The following PFKL variants were observed in gnomAD, a reference collection of about 807,000 sequenced individuals.
The protein encoded by PFKL is phosphofructokinase, liver type, also known as ATP-dependent 6-phosphofructokinase, liver type.
PFKL carries 74 observed loss-of-function variants against 92.1 expected under a neutral mutation model. The ratio of observed to expected loss-of-function variants is 0.80; its 90% CI spans 0.67 to 0.97. PFKL has a LOEUF of 0.97. PFKL is among the 50% of genes least tolerant of loss of function. The pLI is 0.00. For missense variants in PFKL, 1,028 were observed against 1,116.6 expected (o/e 0.92, Z 1.13); for synonymous variants, 494 against 456.4 (o/e 1.08, Z -1.05).
intron 10 of PFKL, 41 bp from the exon 11 acceptor site, chr21:44,319,310 C>A: frequency 1.3e-6 from 2 of 1,560,364 alleles, no homozygotes; most frequent in Non-Finnish European, 1.8e-6. Context: ...GGTGTGCGGG[C>A]CAGGCTCTCC....
chr21:44,326,344 C>G, intron 21 of PFKL, 80 bp downstream of exon 21: 1 of 1,043,834 alleles, frequency 9.6e-7, no homozygotes, highest in Non-Finnish European at 1.4e-6. Flanking sequence ...TGTGCCAGGC[C>G]CAGCCCCACT....
intron 16 of PFKL, 59 bp from the exon 17 acceptor site, chr21:44,324,432 G>A (rs966692684): frequency 1.2e-5 from 19 of 1,577,326 alleles, no homozygotes; most frequent in Middle Eastern, 1.7e-4. Flanking sequence ...TAGCCATGCC[G>A]ACGGCCTACA....
rs991895839 is a variant in PFKL at position 44,326,924 on chromosome 21, G to A, written c.*62G>A. 17 of 1,460,268 alleles carry A rather than the reference G, an allele frequency of 1.2e-5. No homozygotes were observed. The highest frequency in any genetic ancestry group is 2.2e-4 in the Middle Eastern group (1 of 4,572). The allele number at this position is 1,460,268 out of a possible 1,614,324, so 90.5% of individuals were successfully genotyped here. ...CATGCCAGCGCAGCGCCAGGGCTCA[G>A]ATGGGGCCTGGGCTGTTGTGTCTGG... is the stretch of plus-strand genomic sequence containing the variant. On this transcript the variant is annotated 3_prime_UTR_variant, in exon 22 of 22. Transcript: ENST00000349048.
At chr21:44,325,457 C>A in intron 19 of PFKL, 193 bp downstream of exon 19, 1 of 591,216 alleles carries the variant, frequency 1.7e-6, no homozygotes, top group Non-Finnish European at 3.0e-6. Context: ...AGGGGTGGGG[C>A]TGGGGCTGGA....
chr21:44,312,319 A>G, intron 4 of PFKL, 25 bp downstream of exon 4: 1 of 1,554,884 alleles, frequency 6.4e-7, no homozygotes. Flanking sequence ...GGCGCACTGT[A>G]GGCCCTGGGG....
Position 44,313,132 on chromosome 21 carries a change from C to T in PFKL, c.582C>T (p.Thr194=). 3.7e-6 allele frequency: 6 copies of T among 1,612,746 alleles called. No homozygotes were observed. Among genetic ancestry groups the T allele is most frequent in the Non-Finnish European group, 4.2e-6 (5 of 1,179,826 alleles). The part of the protein sequence containing the change: ...RIMEVIDAIT[T]TAQSHQRTFV... ...TGGAGGTCATCGATGCCATCACCAC[C>T]ACTGCCCAGAGGTGAGTGAGGCTGG... Residue 194 remains threonine (T), a synonymous_variant, in exon 5 of 22, where the codon ACC becomes ACT. Coordinates refer to ENST00000349048, the MANE Select transcript of PFKL (RefSeq NM_002626.6).
intron 2 of PFKL, among the ~76,000 whole-genome samples, chr21:44,307,097 C>T (rs1172373707): frequency 6.6e-6 from 1 of 152,092 alleles, no homozygotes; most frequent in African/African-American, 2.4e-5. Context: ...GCCTGGTGTC[C>T]CCCAGCCTGG....
chr21:44,319,520 T>A, intron 11 of PFKL, 105 bp downstream of exon 11: 1 of 962,886 alleles, frequency 1.0e-6, no homozygotes, highest in Non-Finnish European at 1.7e-6. Flanking sequence ...GTCATCCTTC[T>A]AGGCACCGCG....
chr21:44,307,092 G>A (rs932625723), intron 2 of PFKL, among the ~76,000 whole-genome samples: 5 of 152,082 alleles, frequency 3.3e-5, no homozygotes, highest in African/African-American at 1.2e-4. Context: ...CCCCTGCCTG[G>A]TGTCCCCCAG....
chr21:44,305,459 G>GGC, intron 1 of PFKL: 1 of 915,064 alleles, frequency 1.1e-6, no homozygotes, highest in Non-Finnish European at 1.6e-6. Context: ...GGGTGGGAGG[G>GGC]CAGGGGCTTT....
intron 8 of PFKL, 40 bp downstream of exon 8, chr21:44,316,379 C>G: frequency 6.2e-7 from 1 of 1,611,434 alleles, no homozygotes; most frequent in South Asian, 1.1e-5. Flanking sequence ...GCACCTGCTC[C>G]TCTAGGCCGT....
chr21:44,324,352 C>T, intron 16 of PFKL, 139 bp from the exon 17 acceptor site: 1 of 857,070 alleles, frequency 1.2e-6, no homozygotes, highest in South Asian at 1.7e-5. Context: ...TGGGCCCAAG[C>T]CTGGTGCTGC....
intron 14 of PFKL, among the ~76,000 whole-genome samples, chr21:44,322,643 G>T (rs948418748): frequency 3.9e-5 from 6 of 152,212 alleles, no homozygotes; most frequent in African/African-American, 7.2e-5. Context: ...GCAAGGGCCA[G>T]AGGAAGCATC....
At chr21:44,325,007 G>A in intron 18 of PFKL, 90 bp downstream of exon 18, 2 of 1,324,392 alleles carry the variant, frequency 1.5e-6, no homozygotes, top group Non-Finnish European at 2.1e-6. Flanking sequence ...GCAGGAGAAG[G>A]CAGGAGGGGT....
chr21:44,317,404 G>A lies in PFKL; in HGVS notation c.936+880G>A, dbSNP rs370424024. 2.3e-4 allele frequency among the ~76,000 whole-genome samples: 35 copies of A among 152,198 alleles called. No individual in the cohort carries two copies. The East Asian group carries it at 2.9e-3, about 13-fold the overall frequency. On this transcript the variant is annotated intron_variant, in intron 9 of 21. Coordinates refer to ENST00000349048, the MANE Select transcript of PFKL (RefSeq NM_002626.6). The stretch of plus-strand genomic sequence containing the variant: ...GAGAGGGGCCCCGCCGACCTAGCCA[G>A]GCAGCTGCTGTCCCCTCTGTGAGGC...
At position 44,323,652 on chromosome 21, in the gene PFKL, G is replaced by A. The variant is rs142587214; in HGVS notation, c.1498-114G>A. 1.9e-4 allele frequency: 221 copies of A among 1,163,250 alleles called. 1 individual carries two copies. The African/African-American group carries it at 2.9e-3, about 15-fold the overall frequency. The allele number at this position is 1,163,250 out of a possible 1,614,324, so 72.1% of individuals were successfully genotyped here. On this transcript the variant is annotated intron_variant, in intron 15 of 21. Coordinates refer to ENST00000349048, the MANE Select transcript of PFKL (RefSeq NM_002626.6). ...GCAGGTGGGTCCTGGCGTCCAGCAC[G>A]GGGCACATGACAGGTCAGCAGGGAG...
rs1328042350 is a variant in PFKL at position 44,312,172 on chromosome 21, C to T, written c.305C>T (p.Ala102Val). ...ACCAGGGAGGGGCGCCGGGCAGCGG[C>T]CTACAACCTGGTCCAGCACGGCATC... The part of the protein sequence containing the change: ...FTTREGRRAA[A>V]YNLVQHGITN... The change falls in exon 4 of 22, where the codon GCC becomes GTC. Residue 102 changes from alanine to valine, a missense_variant. By Grantham distance (64) the Ala-to-Val change is moderately conservative. Coordinates refer to ENST00000349048, the MANE Select transcript of PFKL (RefSeq NM_002626.6). 7 of 1,600,190 alleles carry T rather than the reference C, an allele frequency of 4.4e-6. No homozygotes were observed. The African/African-American group carries it at 9.4e-5, about 22-fold the overall frequency.
chr21:44,303,433 CAAAAAA>C (rs766852746), intron 1 of PFKL, among the ~76,000 whole-genome samples: 8 of 36,826 alleles, frequency 2.2e-4, no homozygotes, highest in African/African-American at 1.2e-3. Flanking sequence ...CAGACTTGAC[CAAAAAA>C]AAAAAAAAAA....
At chr21:44,322,262 C>T (rs1252183456) in intron 14 of PFKL, 59 bp downstream of exon 14, 20 of 1,507,074 alleles carry the variant, frequency 1.3e-5, no homozygotes, top group Non-Finnish European at 1.3e-5. Context: ...TATCCAGGCC[C>T]TGCAGGTGGG....
Sources: allele counts gnomAD v4.1 joint callset (sites outside exome capture counted in the v4.1 genomes callset), GRCh38; gene constraint gnomAD v4.1.1; transcripts MANE v1.5; gene names NCBI Gene and HGNC (gene_info 2026-07-23, HGNC 2026-07-21).